Variants in CSMD1 observed in about 807,000 individuals in gnomAD.
CSMD1 encodes CUB and Sushi multiple domains 1, also known as CUB and sushi domain-containing protein 1.
Under a neutral mutation model 417.5 loss-of-function variants are expected in CSMD1, and 213 were observed. The ratio of observed to expected loss-of-function variants is 0.51; its 90% CI spans 0.46 to 0.57. CSMD1 has a LOEUF of 0.57. Ranked by LOEUF, CSMD1 falls within the 20% of genes least tolerant of loss-of-function variation. The probability of loss-of-function intolerance (pLI) is 0.00; values close to 1 mark genes in which losing one functional copy is unlikely to be tolerated. For missense variants in CSMD1, 6,923 were observed against 4,529.7 expected (o/e 1.53, Z -15.17); for synonymous variants, 2,862 against 1,736.8 (o/e 1.65, Z -16.11).
At chr8:3,536,280 A>G (rs914969518) in intron 10 of CSMD1, among the ~76,000 whole-genome samples, 4 of 152,204 alleles carry the variant, frequency 2.6e-5, no homozygotes, top group African/African-American at 9.6e-5. Flanking sequence ...TATGACAGCA[A>G]CTTGTACTTA....
intron 15 of CSMD1, among the ~76,000 whole-genome samples, chr8:3,401,920 G>C (rs904733589): frequency 2.0e-5 from 3 of 150,592 alleles, no homozygotes; most frequent in Non-Finnish European, 1.5e-5. Flanking sequence ...ATATACCAAT[G>C]AGCCAATGAG....
At chr8:4,544,412 C>A (rs1371761552) in intron 2 of CSMD1, among the ~76,000 whole-genome samples, 1 of 151,890 alleles carries the variant, frequency 6.6e-6, no homozygotes, top group Non-Finnish European at 1.5e-5. Flanking sequence ...ATAAAAATTA[C>A]AGTAGTTATA....
At chr8:4,045,937 C>T (rs746276471) in intron 3 of CSMD1, among the ~76,000 whole-genome samples, 5 of 151,962 alleles carry the variant, frequency 3.3e-5, no homozygotes, top group Non-Finnish European at 5.9e-5. Flanking sequence ...TGGAAAAATA[C>T]ATCTAAGTCA....
chr8:4,888,797 A>G (rs1187837779), intron 1 of CSMD1, among the ~76,000 whole-genome samples: 1 of 152,116 alleles, frequency 6.6e-6, no homozygotes. Flanking sequence ...ACATATCAAA[A>G]GGTCACAAAG....
rs749364226 is a variant in CSMD1 at position 3,408,163 on chromosome 8, C to T, written c.1807G>A (p.Glu603Lys). 7.4e-6 allele frequency: 12 copies of T among 1,612,896 alleles called. No individual in the cohort carries two copies. Among genetic ancestry groups the T allele is most frequent in the South Asian group, 1.1e-5 (1 of 90,888 alleles). ...GIILSPNYPE[E>K]YGNNMNCVWL... ...ACACAGTTCATGTTGTTCCCATATT[C>T]CTCTGGATAATTTGGTGACAGAATA... The change falls in exon 14 of 70, where the codon GAA becomes AAA. Residue 603 changes from glutamate (E) to lysine (K), a missense_variant. Transcript: ENST00000635120.
At chr8:2,991,195 A>G (rs1806352980) in intron 54 of CSMD1, among the ~76,000 whole-genome samples, 1 of 152,248 alleles carries the variant, frequency 6.6e-6, no homozygotes, top group East Asian at 1.9e-4. Context: ...TAGAAACTAC[A>G]TTAAGACACT....
chr8:4,576,270 G>A (rs546823335), intron 2 of CSMD1, among the ~76,000 whole-genome samples: 7 of 152,160 alleles, frequency 4.6e-5, no homozygotes, highest in Non-Finnish European at 1.0e-4. Flanking sequence ...AAAGCACAAG[G>A]CTTCCTCTTG....
intron 3 of CSMD1, among the ~76,000 whole-genome samples, chr8:4,125,378 T>A (rs1293488571): frequency 6.6e-6 from 1 of 152,160 alleles, no homozygotes; most frequent in African/African-American, 2.4e-5. Flanking sequence ...GCAGGTCCCC[T>A]CCCTGCTCCA....
chr8:3,037,429 G>T (rs1014114524), intron 50 of CSMD1, among the ~76,000 whole-genome samples: 1 of 151,824 alleles, frequency 6.6e-6, no homozygotes. Context: ...AGGGTGGTCT[G>T]GATCTTCTGA....
At chr8:4,320,114 C>T (rs977838211) in intron 3 of CSMD1, among the ~76,000 whole-genome samples, 2 of 152,118 alleles carry the variant, frequency 1.3e-5, no homozygotes, top group African/African-American at 4.8e-5. Flanking sequence ...CAACCCTTTG[C>T]AAGTAATTTA....
chr8:4,855,725 A>AAAGAAATG lies in CSMD1; in HGVS notation c.85+138599_85+138606dup, dbSNP rs1259199451. On this transcript the variant is annotated intron_variant, in intron 1 of 69. Coordinates refer to ENST00000635120, the MANE Select transcript of CSMD1 (RefSeq NM_033225.6). ...GGGAAGTCTAGAGAAAAAAGAATAA[A>AAAGAAATG]AAGAAATGAGCAAAGCCTCCAAGAA... Among the ~76,000 whole-genome samples, 6 of 152,124 alleles carry AAAGAAATG rather than the reference A, an allele frequency of 3.9e-5. No individual in the cohort carries two copies. In the East Asian group the frequency reaches 5.8e-4, roughly 15 times the overall value.
intron 1 of CSMD1, among the ~76,000 whole-genome samples, chr8:4,917,607 C>G: frequency 6.6e-6 from 1 of 152,120 alleles, no homozygotes; most frequent in East Asian, 1.9e-4. Flanking sequence ...GCACTCCAGC[C>G]TGGGCGACAG....
At chr8:4,913,427 A>G (rs572736259) in intron 1 of CSMD1, among the ~76,000 whole-genome samples, 32 of 152,278 alleles carry the variant, frequency 2.1e-4, no homozygotes, top group African/African-American at 7.5e-4. Flanking sequence ...TTGGACACTC[A>G]GTGAATATTT....
intron 2 of CSMD1, among the ~76,000 whole-genome samples, chr8:4,487,328 AC>A (rs1243414251): frequency 6.6e-6 from 1 of 151,962 alleles, no homozygotes; most frequent in African/African-American, 2.4e-5. Context: ...CCCTCTCCCC[AC>A]AACAGTCCCC....
intron 10 of CSMD1, among the ~76,000 whole-genome samples, chr8:3,516,891 C>A (rs1797304109): frequency 6.6e-6 from 1 of 152,186 alleles, no homozygotes; most frequent in Non-Finnish European, 1.5e-5. Context: ...TATAGCAGCA[C>A]AATTCACAAC....
intron 5 of CSMD1, among the ~76,000 whole-genome samples, chr8:3,971,951 A>T (rs1030105013): frequency 1.3e-5 from 2 of 152,038 alleles, no homozygotes; most frequent in African/African-American, 4.8e-5. Context: ...TCTGTTGCCC[A>T]GGCTGGAGTG....
chr8:4,724,520 ATGTGTGTG>A (rs66498850), intron 1 of CSMD1, among the ~76,000 whole-genome samples: 4,407 of 145,236 alleles, frequency 0.03, 76 homozygotes, highest in Non-Finnish European at 0.035. Context: ...TTATATATAT[ATGTGTGTG>A]TGTGTGTGTG....
chr8:4,193,344 T>A (rs1046705891), intron 3 of CSMD1, among the ~76,000 whole-genome samples: 1 of 151,772 alleles, frequency 6.6e-6, no homozygotes, highest in Non-Finnish European at 1.5e-5. Flanking sequence ...ATAAAAAAAA[T>A]ACTCAATATA....
At chr8:4,483,966 G>A (rs990873016) in intron 2 of CSMD1, among the ~76,000 whole-genome samples, 1 of 152,122 alleles carries the variant, frequency 6.6e-6, no homozygotes, top group Non-Finnish European at 1.5e-5. Flanking sequence ...TGACAGTCCT[G>A]CGTTTTCGGA....
Sources: allele counts gnomAD v4.1 joint callset (sites outside exome capture counted in the v4.1 genomes callset), GRCh38; gene constraint gnomAD v4.1.1; transcripts MANE v1.5; gene names NCBI Gene and HGNC (gene_info 2026-07-23, HGNC 2026-07-21).